Variants in ADGRV1 observed in about 807,000 individuals in gnomAD.
The protein encoded by ADGRV1 is G-protein coupled receptor 98.
A neutral mutation model predicts 596.2 loss-of-function variants in ADGRV1; 359 were observed. The observed-to-expected ratio is 0.60, with a 90% CI of 0.55 to 0.66. ADGRV1 has a LOEUF of 0.66. ADGRV1 is among the 30% of genes least tolerant of loss of function. The pLI, the probability that ADGRV1 is intolerant of heterozygous loss-of-function variation, is 0.00. For missense variants in ADGRV1, 7,274 were observed against 7,575.6 expected, an observed-to-expected ratio of 0.96 and a Z score of 1.48; for synonymous variants, 2,681 against 2,679.2, an observed-to-expected ratio of 1.00 and a Z score of -0.02.
chr5:91,122,411 G>A (rs1238674349), intron 87 of ADGRV1, among the ~76,000 whole-genome samples: 1 of 152,172 alleles, frequency 6.6e-6, no homozygotes, highest in East Asian at 1.9e-4. Context: ...TATAACTGAT[G>A]ATGTACTTGT....
chr5:91,078,403 T>C (rs574390656), intron 86 of ADGRV1, among the ~76,000 whole-genome samples: 4 of 152,134 alleles, frequency 2.6e-5, no homozygotes, highest in Non-Finnish European at 5.9e-5. Context: ...TCTCCAAAGA[T>C]GGCTGCCATC....
intron 1 of ADGRV1, among the ~76,000 whole-genome samples, chr5:90,605,166 C>T (rs1008183564): frequency 2.6e-5 from 4 of 152,006 alleles, no homozygotes; most frequent in Non-Finnish European, 1.5e-5. Context: ...TATGTAACCC[C>T]AACACTCTGG....
chr5:90,774,557 G>A (rs1012586803), intron 60 of ADGRV1, among the ~76,000 whole-genome samples: 1 of 152,084 alleles, frequency 6.6e-6, no homozygotes, highest in Non-Finnish European at 1.5e-5. Context: ...GATGTTTATT[G>A]TAGCAGTGTT....
Position 90,969,357 on chromosome 5 carries a change from A to T in ADGRV1, c.17973+3826A>T, listed in dbSNP as rs748151413. Among the ~76,000 whole-genome samples, 107 of 152,374 alleles carry T rather than the reference A, an allele frequency of 7.0e-4. 1 individual carries two copies. The highest frequency in any genetic ancestry group is 3.4e-3 in the Middle Eastern group (1 of 294). ...TACTCTGCTATTCCAATATAAATTT[A>T]TACCTTCTTTTTAACCAAAGAAGAT... On this transcript the variant is annotated intron_variant, in intron 84 of 89. Transcript: ENST00000405460.
At chr5:91,091,662 G>A (rs905835682) in intron 86 of ADGRV1, 2 of 152,098 alleles carry the variant, frequency 1.3e-5, no homozygotes, top group African/African-American at 2.4e-5. Context: ...AGAAGCTGGT[G>A]GTGTATTTCA....
intron 78 of ADGRV1, among the ~76,000 whole-genome samples, chr5:90,847,146 A>G (rs996647397): frequency 6.6e-6 from 1 of 152,164 alleles, no homozygotes; most frequent in East Asian, 1.9e-4. Context: ...CAATTGGTGC[A>G]TTCACAAACC....
chr5:91,082,829 T>C (rs1391151160), intron 86 of ADGRV1, among the ~76,000 whole-genome samples: 3 of 152,224 alleles, frequency 2.0e-5, no homozygotes, highest in Admixed American at 6.5e-5. Flanking sequence ...ATTTCCATTC[T>C]TGGTTTGCAA....
At chr5:91,005,762 A>T (rs989642603) in intron 85 of ADGRV1, among the ~76,000 whole-genome samples, 1 of 152,056 alleles carries the variant, frequency 6.6e-6, no homozygotes, top group Admixed American at 6.6e-5. Context: ...GTCCATTCTT[A>T]TTTCACAGGC....
chr5:90,949,300 T>C (rs775439236), intron 83 of ADGRV1, among the ~76,000 whole-genome samples: 1 of 152,096 alleles, frequency 6.6e-6, no homozygotes, highest in Non-Finnish European at 1.5e-5. Context: ...TTTATATGGG[T>C]CTGTGTGTAA....
chr5:90,990,575 C>T (rs145665759), intron 85 of ADGRV1, among the ~76,000 whole-genome samples: 36 of 152,284 alleles, frequency 2.4e-4, no homozygotes, highest in Middle Eastern at 6.8e-3. Context: ...GCTCTCCCAC[C>T]GCTCACCTCC....
rs727503077 is a variant in ADGRV1 at position 90,716,537 on chromosome 5, C to G, written c.9255C>G (p.Phe3085Leu). The G allele has an allele frequency of 6.2e-7, 1 of 1,611,986 alleles. No individual in the cohort carries two copies. Residue 3085 changes from phenylalanine (F) to leucine (L), a missense_variant, in exon 43 of 90, where the codon TTC becomes TTG. Around this residue, in one of 5 missense-constraint regions of ADGRV1, gnomAD observed 3,643 missense variants for 3,809.2 expected, o/e 0.96. Coordinates refer to ENST00000405460, the MANE Select transcript of ADGRV1 (RefSeq NM_032119.4). ...CATTTAACAACAGTGAGCACTTTTT[C>G]CTAAGAGAGCCAACAGCTCTCTACG... ...VLSFNNSEHF[F>L]LREPTALYVQ...
intron 86 of ADGRV1, among the ~76,000 whole-genome samples, chr5:91,082,625 T>G (rs2126516933): frequency 6.6e-6 from 1 of 152,318 alleles, no homozygotes; most frequent in African/African-American, 2.4e-5. Context: ...TCTCTAAGAT[T>G]TGTATTCAGA....
intron 67 of ADGRV1, among the ~76,000 whole-genome samples, chr5:90,787,033 G>A (rs1759526102): frequency 6.6e-6 from 1 of 152,162 alleles, no homozygotes; most frequent in African/African-American, 2.4e-5. Flanking sequence ...ACCATTTAGA[G>A]ATCAGAGGAA....
intron 38 of ADGRV1, among the ~76,000 whole-genome samples, chr5:90,707,636 T>C (rs1748777670): frequency 1.3e-5 from 2 of 152,206 alleles, no homozygotes; most frequent in African/African-American, 4.8e-5. Context: ...GTAAGTTATC[T>C]TTCAAATGTA....
intron 22 of ADGRV1, 56 bp downstream of exon 22, chr5:90,672,778 T>C (rs989936440): frequency 4.0e-5 from 52 of 1,289,718 alleles, no homozygotes; most frequent in Non-Finnish European, 5.5e-5. Flanking sequence ...TTTCCTGAAG[T>C]GTTTGTTCTG....
chr5:90,576,468 A>C (rs1201278831), intron 1 of ADGRV1, among the ~76,000 whole-genome samples: 2 of 152,128 alleles, frequency 1.3e-5, no homozygotes, highest in Admixed American at 1.3e-4. Context: ...GCTGCATACT[A>C]TTCCATGGTG....
chr5:90,567,155 G>A (rs1214386297), intron 1 of ADGRV1, among the ~76,000 whole-genome samples: 2 of 151,854 alleles, frequency 1.3e-5, no homozygotes, highest in African/African-American at 4.8e-5. Context: ...GATCTAATTT[G>A]GTTATATAGT....
intron 86 of ADGRV1, among the ~76,000 whole-genome samples, chr5:91,074,352 A>C (rs1437520773): frequency 6.6e-6 from 1 of 152,096 alleles, no homozygotes; most frequent in Non-Finnish European, 1.5e-5. Context: ...AGTAGGCCCC[A>C]GTGTCTCTTA....
At chr5:90,645,909 A>G in intron 15 of ADGRV1, 59 bp from the exon 16 acceptor site, 1 of 1,323,252 alleles carries the variant, frequency 7.6e-7, no homozygotes, top group Non-Finnish European at 1.0e-6. Context: ...ATTTAAGAAT[A>G]TATGATGTAA....
Sources: gnomAD v4.1 joint callset for allele counts (sites outside exome capture counted in the v4.1 genomes callset) on GRCh38, gnomAD v4.1.1 for gene constraint, gnomAD v4.1.1 regional missense constraint, MANE v1.5 for transcripts, NCBI Gene and HGNC (gene_info 2026-07-23, HGNC 2026-07-21) for gene names.